The following RPS6KC1 variants were observed in gnomAD, a reference collection of about 807,000 sequenced individuals.
RPS6KC1 encodes the protein ribosomal protein S6 kinase C1.
In RPS6KC1, 54 loss-of-function variants were observed where a neutral mutation model predicts 103.8. The observed-to-expected ratio is 0.52, with a 90% CI of 0.42 to 0.65. RPS6KC1 has a LOEUF of 0.65. Ranked by LOEUF, RPS6KC1 falls within the 30% of genes least tolerant of loss-of-function variation. The probability of loss-of-function intolerance (pLI) is 0.00; values close to 1 mark genes in which losing one functional copy is unlikely to be tolerated. For missense variants in RPS6KC1, 1,151 were observed against 1,253.8 expected (o/e 0.92, Z 1.24); for synonymous variants, 439 against 438.7 (o/e 1.00, Z -0.01).
chr1:213,087,932 C>T (rs541444832), intron 3 of RPS6KC1, among the ~76,000 whole-genome samples: 24 of 152,260 alleles, frequency 1.6e-4, no homozygotes, highest in East Asian at 5.8e-4. Context: ...CTGGAGAGTA[C>T]GCTCCTAATA....
the RPS6KC1 span, among the ~76,000 whole-genome samples, chr1:213,355,456 C>T: frequency 1.3e-5 from 2 of 152,070 alleles, no homozygotes; most frequent in Non-Finnish European, 2.9e-5. Context: ...GGGCACGGGG[C>T]AGTTGAAGGG....
chr1:213,804,898 C>T, the RPS6KC1 span, among the ~76,000 whole-genome samples: 1 of 152,106 alleles, frequency 6.6e-6, no homozygotes, highest in African/African-American at 2.4e-5. Flanking sequence ...GCAGGCATAC[C>T]TTGGAGATAG....
At chr1:213,497,645 A>G in the RPS6KC1 span, among the ~76,000 whole-genome samples, 77 of 152,274 alleles carry the variant, frequency 5.1e-4, no homozygotes, top group Middle Eastern at 3.4e-3. Context: ...AATGAACAGT[A>G]TTTTAGCTCA....
chr1:213,500,248 CACAA>C, the RPS6KC1 span, among the ~76,000 whole-genome samples: 1 of 152,028 alleles, frequency 6.6e-6, no homozygotes. Flanking sequence ...AAAACTAAGA[CACAA>C]ACACACACAT....
the RPS6KC1 span, among the ~76,000 whole-genome samples, chr1:213,670,704 C>T: frequency 6.6e-6 from 1 of 152,102 alleles, no homozygotes; most frequent in Non-Finnish European, 1.5e-5. Flanking sequence ...CTGGAAGCTG[C>T]AAAGTGCACC....
the RPS6KC1 span, among the ~76,000 whole-genome samples, chr1:213,753,873 A>T: frequency 6.6e-6 from 1 of 152,170 alleles, no homozygotes; most frequent in Non-Finnish European, 1.5e-5. Context: ...TGAACAATGG[A>T]TCACCTTGCT....
the RPS6KC1 span, among the ~76,000 whole-genome samples, chr1:213,732,360 C>CGTGT: frequency 3.3e-5 from 5 of 150,772 alleles, no homozygotes; most frequent in East Asian, 3.9e-4. Context: ...TGTGCGTGTG[C>CGTGT]GTGTGTGTGT....
chr1:213,211,454 C>T (rs1260065901), intron 8 of RPS6KC1, among the ~76,000 whole-genome samples: 1 of 152,198 alleles, frequency 6.6e-6, no homozygotes, highest in South Asian at 2.1e-4. Context: ...TTTCTTCTAG[C>T]TCTTTAGCAA....
At chr1:213,611,760 T>C in the RPS6KC1 span, among the ~76,000 whole-genome samples, 1 of 152,202 alleles carries the variant, frequency 6.6e-6, no homozygotes, top group Non-Finnish European at 1.5e-5. Flanking sequence ...CTTGGATGAT[T>C]CTCAGAATAC....
chr1:213,382,967 G>A, the RPS6KC1 span, among the ~76,000 whole-genome samples: 30 of 152,178 alleles, frequency 2.0e-4, no homozygotes, highest in Non-Finnish European at 3.7e-4. Context: ...CAAATAAATC[G>A]AATAACGGAT....
At chr1:213,126,683 A>C (rs2148970984) in intron 5 of RPS6KC1, among the ~76,000 whole-genome samples, 1 of 152,334 alleles carries the variant, frequency 6.6e-6, no homozygotes, top group East Asian at 1.9e-4. Flanking sequence ...ATAGTTAAAA[A>C]AATTAAAAGA....
the RPS6KC1 span, among the ~76,000 whole-genome samples, chr1:213,487,252 T>C: frequency 2.0e-5 from 3 of 152,200 alleles, no homozygotes; most frequent in African/African-American, 7.2e-5. Flanking sequence ...AAAAATTAGC[T>C]GGGTGTGGTG....
At chr1:213,171,431 G>T (rs1007843903) in intron 7 of RPS6KC1, among the ~76,000 whole-genome samples, 1 of 151,630 alleles carries the variant, frequency 6.6e-6, no homozygotes, top group South Asian at 2.1e-4. Context: ...CCCTGGAAAA[G>T]ATTTAGAATA....
chr1:213,359,814 G>A, the RPS6KC1 span, among the ~76,000 whole-genome samples: 2 of 152,142 alleles, frequency 1.3e-5, no homozygotes, highest in African/African-American at 4.8e-5. Context: ...CTTCACTTAT[G>A]AAACTTAGTT....
chr1:213,532,182 G>A, the RPS6KC1 span, among the ~76,000 whole-genome samples: 1 of 152,184 alleles, frequency 6.6e-6, no homozygotes, highest in South Asian at 2.1e-4. Flanking sequence ...CAACCAACTT[G>A]GAGCGGGCAC....
chr1:213,794,744 C>A, the RPS6KC1 span, among the ~76,000 whole-genome samples: 1 of 152,018 alleles, frequency 6.6e-6, no homozygotes, highest in Non-Finnish European at 1.5e-5. Flanking sequence ...TTGTCTTGCC[C>A]GGGGAGAATA....
chr1:213,238,475 T>A (rs1170577773), intron 10 of RPS6KC1, among the ~76,000 whole-genome samples: 1 of 152,074 alleles, frequency 6.6e-6, no homozygotes, highest in African/African-American at 2.4e-5. Flanking sequence ...TGGAGGGAAC[T>A]TGGCTTCTTG....
the RPS6KC1 span, among the ~76,000 whole-genome samples, chr1:213,617,580 T>A: frequency 6.6e-6 from 1 of 152,218 alleles, no homozygotes; most frequent in Non-Finnish European, 1.5e-5. Flanking sequence ...AAAGCATAAA[T>A]GCTTTAGATA....
intron 8 of RPS6KC1, among the ~76,000 whole-genome samples, chr1:213,217,782 C>T (rs1413405035): frequency 6.6e-6 from 1 of 152,170 alleles, no homozygotes; most frequent in African/African-American, 2.4e-5. Context: ...CACATGATTA[C>T]CTCAATAGAT....
Sources: gnomAD v4.1 joint callset for allele counts (sites outside exome capture counted in the v4.1 genomes callset) on GRCh38, gnomAD v4.1.1 for gene constraint, MANE v1.5 for transcripts, NCBI Gene and HGNC (gene_info 2026-07-23, HGNC 2026-07-21) for gene names.